TUSC3: variants seen among roughly 807,000 people sequenced by gnomAD.
TUSC3 encodes tumor suppressor candidate 3.
TUSC3 carries 45 observed loss-of-function variants against 44.8 expected under a neutral mutation model. That is an observed-to-expected ratio of 1.00 (90% CI 0.79 to 1.29). The LOEUF is 1.29. Ranked by LOEUF, TUSC3 falls within the 50% of genes most tolerant of loss-of-function variation. The pLI, the probability that TUSC3 is intolerant of heterozygous loss-of-function variation, is 0.00. For missense variants in TUSC3, 519 were observed against 437.9 expected (o/e 1.19, Z -1.65); for synonymous variants, 212 against 152.9 (o/e 1.39, Z -2.85).
chr8:15,431,980 G>C (rs1216398308), intron 1 of TUSC3, among the ~76,000 whole-genome samples: 1 of 151,432 alleles, frequency 6.6e-6, no homozygotes, highest in African/African-American at 2.4e-5. Context: ...TCACTTAATT[G>C]TGGCGTGTGA....
intron 1 of TUSC3, among the ~76,000 whole-genome samples, chr8:15,423,720 G>A (rs1799766491): frequency 6.6e-6 from 1 of 152,040 alleles, no homozygotes; most frequent in South Asian, 2.1e-4. Flanking sequence ...TCCAAGTGAA[G>A]GACAAGTCAG....
chr8:15,814,318 G>A, the TUSC3 span, among the ~76,000 whole-genome samples: 50,193 of 151,818 alleles, frequency 0.33, 9,060 homozygotes, highest in African/African-American at 0.47. Context: ...AGACATAAGC[G>A]CACCAAAATA....
chr8:15,473,778 C>T (rs1563260447), intron 1 of TUSC3, among the ~76,000 whole-genome samples: 1 of 152,156 alleles, frequency 6.6e-6, no homozygotes, highest in African/African-American at 2.4e-5. Context: ...TCACATGCTT[C>T]TGAGGAAACA....
intron 6 of TUSC3, among the ~76,000 whole-genome samples, chr8:15,706,944 A>G (rs1325724004): frequency 1.3e-5 from 2 of 151,908 alleles, no homozygotes; most frequent in Non-Finnish European, 2.9e-5. Context: ...AAAAACTGAT[A>G]ATTAGGAAAA....
the TUSC3 span, among the ~76,000 whole-genome samples, chr8:15,813,389 CAA>C: frequency 2.8e-5 from 4 of 145,128 alleles, no homozygotes; most frequent in African/African-American, 1.0e-4. Flanking sequence ...AACAAACAAA[CAA>C]AAAAAAAAAC....
chr8:15,541,417 T>C (rs939347981), intron 1 of TUSC3, among the ~76,000 whole-genome samples: 5 of 152,220 alleles, frequency 3.3e-5, no homozygotes, highest in South Asian at 2.1e-4. Context: ...GTGAGAGTTA[T>C]CTGCTTACAT....
the TUSC3 span, among the ~76,000 whole-genome samples, chr8:15,796,035 A>G: frequency 6.6e-6 from 1 of 151,902 alleles, no homozygotes; most frequent in Non-Finnish European, 1.5e-5. Flanking sequence ...ACCCCAAACA[A>G]TGTGGCCTTA....
At chr8:15,817,321 A>G in the TUSC3 span, among the ~76,000 whole-genome samples, 11 of 148,670 alleles carry the variant, frequency 7.4e-5, no homozygotes, top group African/African-American at 2.7e-4. Context: ...ATTTCTGAAC[A>G]ACCAGAGAAG....
At chr8:15,736,035 T>TTTAG (rs761701292) in intron 7 of TUSC3, among the ~76,000 whole-genome samples, 49 of 152,124 alleles carry the variant, frequency 3.2e-4, no homozygotes, top group Non-Finnish European at 4.1e-4. Context: ...GCGATATTTC[T>TTTAG]TTAGTTATTC....
At chr8:15,496,861 T>C (rs1800887114) in intron 2 of TUSC3, among the ~76,000 whole-genome samples, 1 of 151,980 alleles carries the variant, frequency 6.6e-6, no homozygotes, top group Admixed American at 6.6e-5. Flanking sequence ...CATAACAGAG[T>C]TAGAAGAAGC....
At chr8:15,736,180 G>A (rs1299771732) in intron 7 of TUSC3, among the ~76,000 whole-genome samples, 2 of 152,160 alleles carry the variant, frequency 1.3e-5, no homozygotes, top group Non-Finnish European at 2.9e-5. Context: ...CACAAAACCT[G>A]ACAAGATGTC....
At position 15,765,793 on chromosome 8, in the gene TUSC3, C is replaced by T. The variant is rs546158426; in HGVS notation, c.*1637C>T. Reference sequence around the variant, plus strand: ...CATTTGATCACTGCCTATCACTAGGCAGAACTTGACCTGTAATTCTTAATC... The same window carrying T: ...CATTTGATCACTGCCTATCACTAGGTAGAACTTGACCTGTAATTCTTAATC... On this transcript the variant is annotated 3_prime_UTR_variant, in exon 11 of 11. Coordinates refer to ENST00000503731, the MANE Select transcript of TUSC3 (RefSeq NM_006765.4). 16 of 152,122 alleles carry T rather than the reference C, an allele frequency of 1.1e-4. No individual in the cohort carries two copies. The highest frequency in any genetic ancestry group is 3.9e-4 in the African/African-American group (16 of 41,536). The allele number at this position is 152,122 out of a possible 1,614,324, so 9.4% of individuals were successfully genotyped here. A position where few individuals can be genotyped will look rare whatever the true frequency, so the allele number is the denominator to read the frequency against.
chr8:15,681,150 G>T (rs1204587844), intron 6 of TUSC3, among the ~76,000 whole-genome samples: 1 of 148,278 alleles, frequency 6.7e-6, no homozygotes, highest in African/African-American at 2.5e-5. Flanking sequence ...TTTTGGAATA[G>T]TTTCAGTAAA....
chr8:15,828,076 C>G, the TUSC3 span, among the ~76,000 whole-genome samples: 2 of 150,096 alleles, frequency 1.3e-5, no homozygotes, highest in Non-Finnish European at 2.9e-5. Context: ...CTCACTGCAA[C>G]CTCCACCTCC....
chr8:15,475,533 AG>A (rs1800563127), intron 1 of TUSC3, among the ~76,000 whole-genome samples: 1 of 152,212 alleles, frequency 6.6e-6, no homozygotes, highest in African/African-American at 2.4e-5. Flanking sequence ...ATAAACATTG[AG>A]ATCAGAAATT....
intron 3 of TUSC3, among the ~76,000 whole-genome samples, chr8:15,653,730 A>G (rs1355701627): frequency 1.3e-5 from 2 of 152,208 alleles, no homozygotes; most frequent in Admixed American, 6.5e-5. Flanking sequence ...GTGGAGAAGT[A>G]TATGTTTTGC....
chr8:15,464,962 G>A (rs1319716862), intron 1 of TUSC3, among the ~76,000 whole-genome samples: 1 of 152,092 alleles, frequency 6.6e-6, no homozygotes, highest in Non-Finnish European at 1.5e-5. Flanking sequence ...CGATTCTCTT[G>A]CCTCAGCCTC....
At chr8:15,562,608 T>A (rs1269254140) in intron 1 of TUSC3, among the ~76,000 whole-genome samples, 3 of 152,114 alleles carry the variant, frequency 2.0e-5, no homozygotes, top group African/African-American at 7.2e-5. Context: ...CGGGTTGCGT[T>A]CTTTTCTGAA....
the TUSC3 span, among the ~76,000 whole-genome samples, chr8:15,805,853 C>A: frequency 1.3e-5 from 2 of 152,032 alleles, no homozygotes; most frequent in Non-Finnish European, 2.9e-5. Context: ...AGTCCCTCCT[C>A]CTAGATTTTT....
Sources: gnomAD v4.1 joint callset for allele counts (sites outside exome capture counted in the v4.1 genomes callset) on GRCh38, gnomAD v4.1.1 for gene constraint, MANE v1.5 for transcripts, NCBI Gene and HGNC (gene_info 2026-07-23, HGNC 2026-07-21) for gene names.